Variants in RUNX1 observed in about 807,000 individuals in gnomAD.
The protein encoded by RUNX1 is RUNX family transcription factor 1, also known as runt-related transcription factor 1.
Under a neutral mutation model 42.8 loss-of-function variants are expected in RUNX1, and 19 were observed. The ratio of observed to expected loss-of-function variants is 0.44; its 90% CI spans 0.31 to 0.65. The LOEUF is 0.65. RUNX1 is among the 30% of genes least tolerant of loss of function. The pLI is 0.07. For synonymous variants in RUNX1, 271 were observed against 289.4 expected (o/e 0.94, Z 0.64); for missense variants, 528 against 672.0 (o/e 0.79, Z 2.37).
Position 34,916,192 on chromosome 21 carries a change from C to T in RUNX1, c.59-23229G>A, listed in dbSNP as rs113363517. Among the ~76,000 whole-genome samples the T allele has an allele frequency of 3.4e-3, 517 of 152,252 alleles. 6 individuals carry two copies. The highest frequency in any genetic ancestry group is 5.7e-3 in the Non-Finnish European group (387 of 68,024). Reference sequence around the variant, plus strand: ...TCATTGGTATTGCATGTCAGACACACGATCCCCTGTTAAATGCAGGGCTGC... The same window carrying T: ...TCATTGGTATTGCATGTCAGACACATGATCCCCTGTTAAATGCAGGGCTGC... On this transcript the variant is annotated intron_variant, in intron 2 of 8. Transcript: ENST00000675419.
rs564187451 is a variant in RUNX1, at chr21:34,965,167, C to G, written c.59-72204G>C. Among the ~76,000 whole-genome samples, 15 of 151,640 alleles carry G rather than the reference C, an allele frequency of 9.9e-5. No individual in the cohort carries two copies. In the South Asian group the frequency reaches 2.7e-3, roughly 27 times the overall value. ...CAGTCCCCCACAACATGCACACTCT[C>G]ACATATGCACACATACTCATATGCT... On this transcript the variant is annotated intron_variant, in intron 2 of 8. Transcript: ENST00000675419.
rs531129891 is a variant in RUNX1 at position 34,925,411 on chromosome 21, G to T, written c.59-32448C>A. ...AAGTTAAGATGGGTCATTATGGAGG[G>T]TTCTAATCCAAGATGACTGGTGTTC... is the stretch of plus-strand genomic sequence containing the variant. On this transcript the variant is annotated intron_variant, in intron 2 of 8. Transcript: ENST00000675419. 1.3e-4 allele frequency among the ~76,000 whole-genome samples: 20 copies of T among 152,266 alleles called. No homozygotes were observed. The South Asian group carries it at 2.9e-3, about 22-fold the overall frequency.
At chr21:34,857,206 T>C (rs1466634563) in intron 6 of RUNX1, among the ~76,000 whole-genome samples, 2 of 152,212 alleles carry the variant, frequency 1.3e-5, no homozygotes, top group Non-Finnish European at 2.9e-5. Context: ...GAAGACTGTG[T>C]AAAAATGGAT....
At chr21:34,985,161 G>A (rs1313276010) in intron 2 of RUNX1, among the ~76,000 whole-genome samples, 3 of 152,196 alleles carry the variant, frequency 2.0e-5, no homozygotes, top group Non-Finnish European at 4.4e-5. Flanking sequence ...AAAGAACTTA[G>A]CACTCCATTG....
intron 2 of RUNX1, among the ~76,000 whole-genome samples, chr21:34,950,193 A>G (rs575057849): frequency 6.6e-6 from 1 of 152,372 alleles, no homozygotes; most frequent in South Asian, 2.1e-4. Context: ...CTACAGTGTT[A>G]TAGGTATAGC....
intron 2 of RUNX1, among the ~76,000 whole-genome samples, chr21:34,930,297 A>ATATATATATATATATATGT (rs1569110430): frequency 1.5e-5 from 2 of 131,058 alleles, no homozygotes; most frequent in African/African-American, 7.2e-5. Flanking sequence ...TATATAAATA[A>ATATATATATATATATATGT]ATAAATAAAA....
chr21:35,038,835 C>T (rs1447902856), intron 2 of RUNX1: 11 of 441,106 alleles, frequency 2.5e-5, no homozygotes, highest in Middle Eastern at 3.3e-4. Context: ...TTGGCCGAGG[C>T]CATCTCTGAA....
In RUNX1 at chr21:35,014,398, G is replaced by C. The variant is rs368698547; in HGVS notation, c.58+34444C>G. Among the ~76,000 whole-genome samples, 3 of 152,156 alleles carry C rather than the reference G, an allele frequency of 2.0e-5. No individual in the cohort carries two copies. The South Asian group carries it at 6.2e-4, about 32-fold the overall frequency. On this transcript the variant is annotated intron_variant, in intron 2 of 8. Transcript: ENST00000675419. The stretch of plus-strand genomic sequence containing the variant: ...GTAGTGGCATAGACACACTTGATTA[G>C]GAATCTGGTGACTTTCCTTCTAGTC...
intron 2 of RUNX1, among the ~76,000 whole-genome samples, chr21:35,046,452 G>C (rs1037066500): frequency 6.6e-6 from 1 of 152,194 alleles, no homozygotes; most frequent in Non-Finnish European, 1.5e-5. Flanking sequence ...CACAGTTGCC[G>C]TTGGGGAGGG....
At chr21:34,803,879 CTA>C (rs1291361294) in intron 7 of RUNX1, among the ~76,000 whole-genome samples, 12 of 152,192 alleles carry the variant, frequency 7.9e-5, no homozygotes, top group Non-Finnish European at 1.3e-4. Flanking sequence ...TAAAATGTCT[CTA>C]GAGTCAACAA....
chr21:34,960,581 G>C (rs1399853072), intron 2 of RUNX1, among the ~76,000 whole-genome samples: 2 of 152,214 alleles, frequency 1.3e-5, no homozygotes, highest in Non-Finnish European at 2.9e-5. Flanking sequence ...TTCATGGATA[G>C]AATCAATCAA....
At chr21:34,955,451 T>C (rs567573956) in intron 2 of RUNX1, among the ~76,000 whole-genome samples, 1 of 152,000 alleles carries the variant, frequency 6.6e-6, no homozygotes, top group Non-Finnish European at 1.5e-5. Context: ...GGCAAGTCCA[T>C]GAAGGGGAAA....
chr21:34,787,957 TC>T lies in RUNX1; in HGVS notation c.*4177del, dbSNP rs2056388580. 1 of 233,218 alleles carries T rather than the reference TC, an allele frequency of 4.3e-6. No homozygotes were observed. The highest frequency in any genetic ancestry group is 8.5e-6 in the Non-Finnish European group (1 of 118,136). 14.4% of individuals were successfully genotyped at this position (233,218 alleles called of 1,614,324 possible). A position where few individuals can be genotyped will look rare whatever the true frequency, so the allele number is the denominator to read the frequency against. ...TGCTCAGGCTGGGCACGACGAATGC[TC>T]CCAGGAGAGGGGAGGCGGCCCACCC... On this transcript the variant is annotated 3_prime_UTR_variant, in exon 9 of 9. Coordinates refer to ENST00000675419, the MANE Select transcript of RUNX1 (RefSeq NM_001754.5).
At chr21:34,908,961 A>C (rs905961253) in intron 2 of RUNX1, among the ~76,000 whole-genome samples, 3 of 140,920 alleles carry the variant, frequency 2.1e-5, no homozygotes, top group South Asian at 2.1e-4. Flanking sequence ...GTGTGTGTGT[A>C]TGTGTGTGCT....
chr21:34,992,492 AT>A (rs2058951961), intron 2 of RUNX1, among the ~76,000 whole-genome samples: 1 of 152,014 alleles, frequency 6.6e-6, no homozygotes, highest in South Asian at 2.1e-4. Flanking sequence ...CTGAGGATGG[AT>A]TAGGCAGTGA....
At chr21:34,941,640 C>A (rs1251865088) in intron 2 of RUNX1, among the ~76,000 whole-genome samples, 1 of 152,150 alleles carries the variant, frequency 6.6e-6, no homozygotes, top group Non-Finnish European at 1.5e-5. Flanking sequence ...AAATGTCAGC[C>A]CATATACTCT....
At chr21:34,920,208 C>A (rs927491172) in intron 2 of RUNX1, among the ~76,000 whole-genome samples, 1 of 152,194 alleles carries the variant, frequency 6.6e-6, no homozygotes, top group Admixed American at 6.5e-5. Context: ...AGCACGTAGG[C>A]ACACTTTGAG....
chr21:34,912,366 C>T (rs985075504), intron 2 of RUNX1, among the ~76,000 whole-genome samples: 1 of 151,858 alleles, frequency 6.6e-6, no homozygotes, highest in Non-Finnish European at 1.5e-5. Flanking sequence ...CTCTGTTTTG[C>T]GATACTCTTG....
chr21:35,020,059 T>C (rs56285302), intron 2 of RUNX1, among the ~76,000 whole-genome samples: 8,033 of 152,152 alleles, frequency 0.053, 296 homozygotes, highest in Non-Finnish European at 0.069. Flanking sequence ...ATTTCAAATA[T>C]GGAAAACAGC....
Sources: gnomAD v4.1 joint callset for allele counts (sites outside exome capture counted in the v4.1 genomes callset) on GRCh38, gnomAD v4.1.1 for gene constraint, MANE v1.5 for transcripts, NCBI Gene and HGNC (gene_info 2026-07-23, HGNC 2026-07-21) for gene names.